NCALD: variants seen among roughly 807,000 people sequenced by gnomAD.
NCALD encodes neurocalcin delta.
NCALD carries 10 observed loss-of-function variants against 18.6 expected under a neutral mutation model. The observed-to-expected ratio is 0.54, with a 90% CI of 0.33 to 0.91. NCALD has a LOEUF of 0.91. NCALD is among the 40% of genes least tolerant of loss of function. The pLI is 0.03. For synonymous variants in NCALD, 88 were observed against 87.4 expected (o/e 1.01, Z -0.04); for missense variants, 184 against 247.6 (o/e 0.74, Z 1.72).
intron 1 of NCALD, among the ~76,000 whole-genome samples, chr8:102,095,693 A>G (rs910949033): frequency 6.6e-6 from 1 of 152,344 alleles, no homozygotes; most frequent in Non-Finnish European, 1.5e-5. Flanking sequence ...ATTCTTGTTA[A>G]AATGAAACTA....
chr8:102,109,290 G>A (rs1229599775), intron 1 of NCALD, among the ~76,000 whole-genome samples: 1 of 146,024 alleles, frequency 6.8e-6, no homozygotes, highest in Non-Finnish European at 1.5e-5. Context: ...TTGCTTTATG[G>A]AAATGAAAGG....
At chr8:102,065,503 T>C (rs938280509) in intron 1 of NCALD, among the ~76,000 whole-genome samples, 2 of 152,184 alleles carry the variant, frequency 1.3e-5, no homozygotes, top group Non-Finnish European at 2.9e-5. Flanking sequence ...CTTTAATACA[T>C]TGCAGCGAGA....
At position 101,689,932 on chromosome 8, in the gene NCALD, C is replaced by T. The variant is rs1273791081; in HGVS notation, c.485-526G>A. ...GCCCATCCTATCTTGGGGAAGAAGCCGTGGACGTAAGTGTTTGTTCATACA... is the reference window on the plus strand; with the variant it reads ...GCCCATCCTATCTTGGGGAAGAAGCTGTGGACGTAAGTGTTTGTTCATACA... On this transcript the variant is annotated intron_variant, in intron 3 of 3. Coordinates refer to ENST00000220931, the MANE Select transcript of NCALD (RefSeq NM_032041.3). The surrounding 1 kb of genome is among the most constrained non-coding windows in gnomAD (Gnocchi z 4.4). 1.3e-5 allele frequency among the ~76,000 whole-genome samples: 2 copies of T among 152,166 alleles called. No homozygotes were observed. Among genetic ancestry groups the T allele is most frequent in the East Asian group, 1.9e-4 (1 of 5,188 alleles).
rs767607070 is a variant in NCALD, at chr8:101,692,814, C to T, written c.461G>A (p.Arg154His). 3.0e-5 allele frequency: 48 copies of T among 1,613,486 alleles called. No homozygotes were observed. The highest frequency in any genetic ancestry group is 3.7e-5 in the Non-Finnish European group (44 of 1,179,628). The change falls in exon 3 of 4, where the codon CGC (arginine) becomes CAC (histidine). Residue 154 changes from arginine to histidine, a missense_variant. Physicochemically the swap from Arg to His is conservative, Grantham distance 29 (BLOSUM62 0). Coordinates refer to ENST00000220931, the MANE Select transcript of NCALD (RefSeq NM_032041.3). ...TPEKRTEKIF[R>H]QMDTNRDGKL... is the part of the protein sequence containing the mutation. ...ACCGTCTCTATTGGTGTCCATCTGG[C>T]GGAAGATCTTTTCTGTTCTTTTCTC...
chr8:101,975,577 C>T (rs1032124580), intron 2 of NCALD, among the ~76,000 whole-genome samples: 4 of 152,210 alleles, frequency 2.6e-5, no homozygotes, highest in African/African-American at 9.6e-5. Flanking sequence ...CACCAAGGTG[C>T]TTGCAACTAC....
intron 3 of NCALD, among the ~76,000 whole-genome samples, chr8:101,897,564 A>C (rs1817246498): frequency 1.3e-5 from 2 of 152,200 alleles, no homozygotes; most frequent in South Asian, 4.1e-4. Context: ...CACCTATTGT[A>C]GGACATTTTG....
chr8:101,960,655 G>C (rs1305139319), intron 2 of NCALD, among the ~76,000 whole-genome samples: 1 of 152,122 alleles, frequency 6.6e-6, no homozygotes, highest in Non-Finnish European at 1.5e-5. Flanking sequence ...AAATGAGGAA[G>C]TGATAGAAAA....
intron 2 of NCALD, among the ~76,000 whole-genome samples, chr8:101,997,842 G>C (rs1203246510): frequency 6.6e-6 from 1 of 152,214 alleles, no homozygotes; most frequent in African/African-American, 2.4e-5. Context: ...AGAGGCTACA[G>C]TGGATGTTTT....
At chr8:101,700,031 T>TATTC (rs1815183108) in intron 2 of NCALD, among the ~76,000 whole-genome samples, 2 of 143,710 alleles carry the variant, frequency 1.4e-5, no homozygotes, top group South Asian at 2.1e-4. Context: ...TCTCTATTTT[T>TATTC]ATTTATTTAT....
intron 1 of NCALD, among the ~76,000 whole-genome samples, chr8:101,789,444 T>C (rs184371981): frequency 2.3e-4 from 35 of 152,264 alleles, no homozygotes; most frequent in African/African-American, 7.7e-4. Flanking sequence ...TATTCACTCA[T>C]TGAAAGCTAC....
chr8:101,945,895 T>A (rs1391249498), intron 2 of NCALD, among the ~76,000 whole-genome samples: 7 of 152,194 alleles, frequency 4.6e-5, no homozygotes, highest in Admixed American at 3.9e-4. Flanking sequence ...AGAAAAAAGT[T>A]CTCAATGCTC....
chr8:101,697,164 C>T (rs901353826), intron 2 of NCALD, among the ~76,000 whole-genome samples: 1 of 151,918 alleles, frequency 6.6e-6, no homozygotes, highest in Non-Finnish European at 1.5e-5. Context: ...ATACTATAAA[C>T]ATCTCTATGC....
At chr8:102,111,205 C>A (rs1825628953) in intron 1 of NCALD, among the ~76,000 whole-genome samples, 3 of 152,106 alleles carry the variant, frequency 2.0e-5, no homozygotes, top group Admixed American at 2.0e-4. Context: ...GGAACATATT[C>A]TTTAAATGTC....
chr8:101,793,235 A>G (rs1812511755), upstream of NCALD, among the ~76,000 whole-genome samples: 2 of 151,962 alleles, frequency 1.3e-5, no homozygotes, highest in Non-Finnish European at 1.5e-5. Context: ...CTGTATTCCC[A>G]GCTACTCAGG....
intron 3 of NCALD, among the ~76,000 whole-genome samples, chr8:101,906,189 T>C (rs1402264330): frequency 1.3e-5 from 2 of 152,152 alleles, no homozygotes; most frequent in African/African-American, 4.8e-5. Flanking sequence ...CTTCTCTCGA[T>C]TTACTTTTTG....
upstream of NCALD, among the ~76,000 whole-genome samples, chr8:101,792,334 A>G (rs943684099): frequency 6.6e-6 from 1 of 152,216 alleles, no homozygotes; most frequent in South Asian, 2.1e-4. Context: ...TAATGTTCAA[A>G]TCACTTGGTC....
At chr8:101,711,836 G>C (rs1008155920) in intron 2 of NCALD, among the ~76,000 whole-genome samples, 11 of 152,104 alleles carry the variant, frequency 7.2e-5, no homozygotes, top group African/African-American at 2.7e-4. Flanking sequence ...GAACCAAGTT[G>C]GTAACACACT....
chr8:101,986,989 G>T (rs1477219150), intron 2 of NCALD, among the ~76,000 whole-genome samples: 3 of 152,130 alleles, frequency 2.0e-5, no homozygotes, highest in African/African-American at 4.8e-5. Context: ...CACCTGCATA[G>T]GACAGATGGG....
intron 4 of NCALD, among the ~76,000 whole-genome samples, chr8:101,810,152 T>G (rs898717306): frequency 1.3e-5 from 2 of 152,160 alleles, no homozygotes; most frequent in Admixed American, 1.3e-4. Context: ...ACTCTTGCTG[T>G]GTTATAATAG....
Sources: gnomAD v4.1 joint callset for allele counts (sites outside exome capture counted in the v4.1 genomes callset) on GRCh38, gnomAD v4.1.1 for gene constraint, Gnocchi (gnomAD v3.1) non-coding constraint, MANE v1.5 for transcripts, NCBI Gene and HGNC (gene_info 2026-07-23, HGNC 2026-07-21) for gene names.